FRMD4B: variants seen among roughly 807,000 people sequenced by gnomAD.
FRMD4B encodes the protein FERM domain-containing protein 4B.
Under a neutral mutation model 141.5 loss-of-function variants are expected in FRMD4B, and 74 were observed. That is an observed-to-expected ratio of 0.52 (90% CI 0.43 to 0.63). FRMD4B has a LOEUF of 0.63. FRMD4B is among the 30% of genes least tolerant of loss of function. The pLI, the probability that FRMD4B is intolerant of heterozygous loss-of-function variation, is 0.00. For synonymous variants in FRMD4B, 506 were observed against 467.9 expected (o/e 1.08, Z -1.05); for missense variants, 1,366 against 1,253.4 (o/e 1.09, Z -1.36).
intron 9 of FRMD4B, among the ~76,000 whole-genome samples, chr3:69,221,632 C>T (rs560303151): frequency 6.6e-6 from 1 of 152,316 alleles, no homozygotes; most frequent in African/African-American, 2.4e-5. Context: ...TATTGCCCTA[C>T]ATCTGGTCTA....
upstream of FRMD4B, among the ~76,000 whole-genome samples, chr3:69,387,695 C>A (rs1326855821): frequency 6.6e-6 from 1 of 152,164 alleles, no homozygotes; most frequent in East Asian, 1.9e-4. Context: ...AATCTTAATT[C>A]AGGTGAAACT....
rs116629386 is a variant in FRMD4B, at chr3:69,299,546, T to C, written c.416+2797A>G. On this transcript the variant is annotated intron_variant, in intron 4 of 22. Coordinates refer to ENST00000398540, the MANE Select transcript of FRMD4B (RefSeq NM_015123.3). Reference sequence around the variant, plus strand: ...GTGGAGTTGGAGGGGAATAATTGTGTAGTTTGAAAAATGTCCCAAGATGAT... The same window carrying C: ...GTGGAGTTGGAGGGGAATAATTGTGCAGTTTGAAAAATGTCCCAAGATGAT... Among the ~76,000 whole-genome samples, 1,206 of 152,242 alleles carry C rather than the reference T, an allele frequency of 7.9e-3. 19 individuals are homozygous for C. The highest frequency in any genetic ancestry group is 0.028 in the African/African-American group (1,142 of 41,526).
At chr3:69,200,496 C>A (rs2092955001) in intron 11 of FRMD4B, 2 of 993,298 alleles carry the variant, frequency 2.0e-6, no homozygotes, top group South Asian at 4.5e-5. Flanking sequence ...CAGACGGCAG[C>A]TCCGGTGAGT....
At chr3:69,278,577 G>A (rs903063257) in intron 5 of FRMD4B, among the ~76,000 whole-genome samples, 1 of 150,164 alleles carries the variant, frequency 6.7e-6, no homozygotes, top group Non-Finnish European at 1.5e-5. Flanking sequence ...GATTACAGGT[G>A]TGAGTCACCC....
At chr3:69,194,517 A>G (rs2092877476) in intron 16 of FRMD4B, among the ~76,000 whole-genome samples, 1 of 152,270 alleles carries the variant, frequency 6.6e-6, no homozygotes, top group South Asian at 2.1e-4. Flanking sequence ...ATGACATGCA[A>G]ATGAGAAAGT....
chr3:69,231,068 A>G (rs1329072768), intron 7 of FRMD4B, among the ~76,000 whole-genome samples: 1 of 152,234 alleles, frequency 6.6e-6, no homozygotes, highest in Non-Finnish European at 1.5e-5. Flanking sequence ...AAGCTAAGTA[A>G]GGTTGGGGCT....
intron 10 of FRMD4B, among the ~76,000 whole-genome samples, chr3:69,217,293 T>C (rs1401826277): frequency 1.3e-5 from 2 of 152,190 alleles, no homozygotes; most frequent in Non-Finnish European, 2.9e-5. Context: ...CTTAGACAGA[T>C]ACCTATATGC....
intron 4 of FRMD4B, among the ~76,000 whole-genome samples, chr3:69,293,871 A>T (rs1182071924): frequency 1.0e-5 from 1 of 95,694 alleles, no homozygotes; most frequent in Non-Finnish European, 1.9e-5. Flanking sequence ...ACAGAGCTAG[A>T]TTCTGCCTCA....
intron 2 of FRMD4B, among the ~76,000 whole-genome samples, chr3:69,401,119 GT>G (rs1294117603): frequency 6.6e-6 from 1 of 152,158 alleles, no homozygotes; most frequent in African/African-American, 2.4e-5. Flanking sequence ...CAAACATTAT[GT>G]TTACATCATA....
At chr3:69,250,290 C>CGTGCGTGTGT (rs2093454619) in intron 5 of FRMD4B, 191 bp from the exon 6 acceptor site, 2 of 399,586 alleles carry the variant, frequency 5.0e-6, no homozygotes, top group African/African-American at 4.0e-5. Flanking sequence ...ACTGTGTGTG[C>CGTGCGTGTGT]GTGTGTGTGT....
intron 1 of FRMD4B, among the ~76,000 whole-genome samples, chr3:69,319,734 A>G (rs78497486): frequency 0.015 from 2,224 of 152,330 alleles, 28 homozygotes; most frequent in Non-Finnish European, 0.022. Flanking sequence ...CTGATGTTAG[A>G]GAGATGATAA....
At chr3:69,362,009 G>C (rs1703483868) in intron 1 of FRMD4B, among the ~76,000 whole-genome samples, 1 of 152,186 alleles carries the variant, frequency 6.6e-6, no homozygotes, top group Non-Finnish European at 1.5e-5. Flanking sequence ...CCAAAATGTG[G>C]TATTATAGGT....
rs758262041 is a variant in FRMD4B, at chr3:69,171,754, T to G, written c.*107A>C. ...GCAACTAAGTCTTCTCTTCAACCTT[T>G]GATGTCTTTAGGTTTCTAAAACGAA... is the stretch of plus-strand genomic sequence containing the variant. On this transcript the variant is annotated 3_prime_UTR_variant, in exon 23 of 23. Transcript: ENST00000398540. 2.4e-5 allele frequency: 26 copies of G among 1,069,754 alleles called. No individual in the cohort carries two copies. The African/African-American group carries it at 3.5e-4, about 14-fold the overall frequency. The allele number at this position is 1,069,754 out of a possible 1,614,324, so 66.3% of individuals were successfully genotyped here.
At chr3:69,382,535 A>G (rs1350393689) in intron 1 of FRMD4B, among the ~76,000 whole-genome samples, 1 of 152,142 alleles carries the variant, frequency 6.6e-6, no homozygotes, top group Non-Finnish European at 1.5e-5. Context: ...TTGCATGTAT[A>G]TTCGTGCTTT....
intron 1 of FRMD4B, among the ~76,000 whole-genome samples, chr3:69,483,581 C>T (rs1021040727): frequency 6.6e-6 from 1 of 152,120 alleles, no homozygotes; most frequent in African/African-American, 2.4e-5. Flanking sequence ...AATATGGGAC[C>T]ATATTGGGAA....
chr3:69,493,697 C>A (rs1456728138), intron 1 of FRMD4B, among the ~76,000 whole-genome samples: 2 of 152,090 alleles, frequency 1.3e-5, no homozygotes, highest in Non-Finnish European at 2.9e-5. Context: ...CTCTCTCTCT[C>A]TCTCCATCTC....
chr3:69,349,056 T>C (rs956976049), intron 1 of FRMD4B, among the ~76,000 whole-genome samples: 4 of 152,208 alleles, frequency 2.6e-5, no homozygotes, highest in Admixed American at 6.5e-5. Flanking sequence ...TATGACATGA[T>C]TGTATATTTA....
chr3:69,527,861 A>G (rs779104846), intron 1 of FRMD4B, among the ~76,000 whole-genome samples: 1 of 152,188 alleles, frequency 6.6e-6, no homozygotes, highest in Non-Finnish European at 1.5e-5. Context: ...AAAACAATTC[A>G]CCAGTGGTAA....
intron 1 of FRMD4B, chr3:69,334,464 T>C (rs1306246353): frequency 7.7e-6 from 1 of 130,460 alleles, no homozygotes; most frequent in African/African-American, 2.9e-5. Flanking sequence ...TGAGACCTTA[T>C]CTCTACAAAA....
Sources: allele counts gnomAD v4.1 joint callset (sites outside exome capture counted in the v4.1 genomes callset), GRCh38; gene constraint gnomAD v4.1.1; transcripts MANE v1.5; gene names NCBI Gene and HGNC (gene_info 2026-07-23, HGNC 2026-07-21).